KLRG1: variants seen among roughly 807,000 people sequenced by gnomAD.
KLRG1 encodes the protein killer cell lectin-like receptor subfamily G member 1.
In KLRG1, 16 loss-of-function variants were observed where a neutral mutation model predicts 21.8. That is an observed-to-expected ratio of 0.73 (90% CI 0.50 to 1.11). KLRG1 has a LOEUF of 1.11. KLRG1 is among the 50% of genes most tolerant of loss of function. KLRG1 has a pLI of 0.00. For synonymous variants in KLRG1, 69 were observed against 75.9 expected, an observed-to-expected ratio of 0.91 and a Z score of 0.47; for missense variants, 173 against 218.3, an observed-to-expected ratio of 0.79 and a Z score of 1.31.
chr12:9,017,424 A>G, the KLRG1 span, among the ~76,000 whole-genome samples: 1 of 152,284 alleles, frequency 6.6e-6, no homozygotes, highest in African/African-American at 2.4e-5. Flanking sequence ...TTATGACAAA[A>G]TGGGATTTAT....
At chr12:9,091,435 G>A in the KLRG1 span, 1 of 1,613,908 alleles carries the variant, frequency 6.2e-7, no homozygotes, top group Non-Finnish European at 8.5e-7. Flanking sequence ...CTGAGCTGGA[G>A]AGGAGTGTAA....
At chr12:8,982,893 G>A (rs151245612) in intron 1 of KLRG1, among the ~76,000 whole-genome samples, 3,187 of 152,022 alleles carry the variant, frequency 0.021, 103 homozygotes, top group African/African-American at 0.071. Context: ...TGATTTGCCC[G>A]CCTCAGCCTC....
chr12:9,202,345 C>A, the KLRG1 span: 14 of 1,614,136 alleles, frequency 8.7e-6, no homozygotes, highest in Non-Finnish European at 1.1e-5. Context: ...CGAAAATTTT[C>A]ATCCACGGAG....
At chr12:9,195,517 C>G in the KLRG1 span, among the ~76,000 whole-genome samples, 3 of 151,606 alleles carry the variant, frequency 2.0e-5, no homozygotes, top group Non-Finnish European at 2.9e-5. Context: ...CATTATAACT[C>G]ACAGCAGCAT....
At chr12:9,134,879 C>T in the KLRG1 span, among the ~76,000 whole-genome samples, 1 of 152,226 alleles carries the variant, frequency 6.6e-6, no homozygotes, top group Admixed American at 6.5e-5. Flanking sequence ...CTCTCTTCCT[C>T]TCTTCTGCCT....
At chr12:8,996,746 T>C (rs908099588) in intron 3 of KLRG1, among the ~76,000 whole-genome samples, 1 of 152,206 alleles carries the variant, frequency 6.6e-6, no homozygotes, top group African/African-American at 2.4e-5. Context: ...TAATTAAACA[T>C]GAGTTCTTAG....
chr12:8,990,868 T>C (rs773934630), intron 1 of KLRG1, among the ~76,000 whole-genome samples: 1 of 152,320 alleles, frequency 6.6e-6, no homozygotes, highest in African/African-American at 2.4e-5. Context: ...AACATTTGTG[T>C]ATTTCATTAA....
chr12:9,124,476 C>T, the KLRG1 span, among the ~76,000 whole-genome samples: 1 of 152,222 alleles, frequency 6.6e-6, no homozygotes, highest in Non-Finnish European at 1.5e-5. Flanking sequence ...ACTCCCCGTG[C>T]GGCTGCAGCA....
At chr12:8,952,714 T>G (rs1335401913) in intron 1 of KLRG1, among the ~76,000 whole-genome samples, 2 of 152,198 alleles carry the variant, frequency 1.3e-5, no homozygotes, top group Non-Finnish European at 2.9e-5. Flanking sequence ...AATATATCAG[T>G]GTGTATTTCC....
the KLRG1 span, chr12:9,151,788 A>T: frequency 1.3e-6 from 1 of 772,712 alleles, no homozygotes. Context: ...GAAGAAAGCT[A>T]ATTGTTTTCA....
chr12:9,160,432 G>A, the KLRG1 span: 1 of 1,613,834 alleles, frequency 6.2e-7, no homozygotes, highest in African/African-American at 1.3e-5. Flanking sequence ...GTTCTCCACA[G>A]CCATATGGCA....
chr12:9,150,477 T>C, the KLRG1 span, among the ~76,000 whole-genome samples: 2 of 152,044 alleles, frequency 1.3e-5, no homozygotes, highest in African/African-American at 4.8e-5. Context: ...AGAGATGGGG[T>C]TTTGCTATGT....
chr12:9,005,933 C>T (rs1265779012), intron 3 of KLRG1, among the ~76,000 whole-genome samples: 1 of 152,232 alleles, frequency 6.6e-6, no homozygotes, highest in Non-Finnish European at 1.5e-5. Flanking sequence ...CCCGCCTAGC[C>T]GCTCACCTCC....
chr12:9,150,182 A>C, the KLRG1 span, among the ~76,000 whole-genome samples: 1 of 152,248 alleles, frequency 6.6e-6, no homozygotes, highest in African/African-American at 2.4e-5. Context: ...AACTACTTGA[A>C]AGCAGTGACT....
intron 2 of KLRG1, among the ~76,000 whole-genome samples, chr12:8,993,885 C>T (rs1467927595): frequency 6.6e-6 from 1 of 151,986 alleles, no homozygotes; most frequent in African/African-American, 2.4e-5. Flanking sequence ...CTCTATTCTG[C>T]AATTATATAT....
the KLRG1 span, among the ~76,000 whole-genome samples, chr12:9,211,257 A>G: frequency 3.3e-5 from 5 of 152,032 alleles, no homozygotes; most frequent in Admixed American, 6.6e-5. Flanking sequence ...GCTTGATGGT[A>G]TTCCATAGGT....
At chr12:9,187,759 A>G in the KLRG1 span, among the ~76,000 whole-genome samples, 5 of 152,212 alleles carry the variant, frequency 3.3e-5, no homozygotes, top group East Asian at 3.9e-4. Flanking sequence ...TCACATCACA[A>G]CTGAAAGAAC....
rs1947591836 is a variant in KLRG1 at position 9,009,856 on chromosome 12, T to C, written c.*319T>C. 2.0e-6 allele frequency: 3 copies of C among 1,471,366 alleles called. No individual in the cohort carries two copies. In the Admixed American group the frequency reaches 7.6e-5, roughly 37 times the overall value. 91.1% of individuals were successfully genotyped at this position (1,471,366 alleles called of 1,614,324 possible). On this transcript the variant is annotated 3_prime_UTR_variant, in exon 5 of 5. Coordinates refer to ENST00000356986, the MANE Select transcript of KLRG1 (RefSeq NM_005810.4). ...CCGTCCCAACCATCTCTGTCAAAAA[T>C]ATACCTTTTTCATATGATATTCTGA...
chr12:9,091,985 C>G, the KLRG1 span, among the ~76,000 whole-genome samples: 1 of 152,172 alleles, frequency 6.6e-6, no homozygotes, highest in South Asian at 2.1e-4. Context: ...ATTAGCAATG[C>G]GTTTGAAAGA....
Sources: allele counts gnomAD v4.1 joint callset (sites outside exome capture counted in the v4.1 genomes callset), GRCh38; gene constraint gnomAD v4.1.1; transcripts MANE v1.5; gene names NCBI Gene and HGNC (gene_info 2026-07-23, HGNC 2026-07-21).